Variants in ALDH2 observed in about 807,000 individuals in gnomAD.
ALDH2 encodes the protein aldehyde dehydrogenase 2 family member.
A neutral mutation model predicts 59.6 loss-of-function variants in ALDH2; 44 were observed. The ratio of observed to expected loss-of-function variants is 0.74; its 90% confidence interval spans 0.58 to 0.95. ALDH2 has a LOEUF of 0.95. Ranked by LOEUF, ALDH2 falls within the 40% of genes least tolerant of loss-of-function variation. The pLI is 0.00. For missense variants in ALDH2, 570 were observed against 696.3 expected (o/e 0.82, Z 2.04); for synonymous variants, 291 against 284.0 (o/e 1.02, Z -0.25).
chr12:111,793,611 T>C (rs981394593), intron 9 of ALDH2, among the ~76,000 whole-genome samples: 3 of 152,090 alleles, frequency 2.0e-5, no homozygotes, highest in Non-Finnish European at 2.9e-5. Flanking sequence ...TTTATTTTTT[T>C]TGGAGACAGA....
At chr12:111,790,225 A>G (rs2068346811) in intron 5 of ALDH2, among the ~76,000 whole-genome samples, 1 of 152,166 alleles carries the variant, frequency 6.6e-6, no homozygotes, top group Non-Finnish European at 1.5e-5. Flanking sequence ...TCACGGACAT[A>G]AAAGCACGGA....
chr12:111,772,284 C>T (rs1264847082), intron 1 of ALDH2, among the ~76,000 whole-genome samples: 1 of 152,114 alleles, frequency 6.6e-6, no homozygotes, highest in African/African-American at 2.4e-5. Flanking sequence ...TGAGCCAAAA[C>T]CTGTGTTTTG....
At chr12:111,767,146 G>T (rs1464616573) in intron 1 of ALDH2, 50 bp downstream of exon 1, 1 of 1,395,776 alleles carries the variant, frequency 7.2e-7, no homozygotes, top group Non-Finnish European at 9.4e-7. Context: ...CGAGTCCCCC[G>T]CAGGCCCCTA....
chr12:111,815,815 T>C lies in ALDH2; in HGVS notation c.*6240T>C, dbSNP rs986407677. ...TTTTTTTGAGAGAGAGAGAGAGAGA[T>C]GGAGTCTTGCTATGTTGCTCAGGCT... is the stretch of plus-strand genomic sequence containing the variant. On this transcript the variant is annotated 3_prime_UTR_variant, in exon 13 of 13. Transcript: ENST00000261733. 4.8e-5 allele frequency: 7 copies of C among 144,400 alleles called. No homozygotes were observed. The highest frequency in any genetic ancestry group is 1.1e-4 in the Non-Finnish European group (7 of 66,508). 8.9% of individuals were successfully genotyped at this position (144,400 alleles called of 1,614,324 possible). A position where few individuals can be genotyped will look rare whatever the true frequency, so the allele number is the denominator to read the frequency against.
intron 10 of ALDH2, 118 bp downstream of exon 10, chr12:111,798,360 T>A: frequency 8.9e-7 from 1 of 1,125,080 alleles, no homozygotes; most frequent in Non-Finnish European, 1.2e-6. Context: ...TCTCAAGTTA[T>A]ACCCAGAACC....
At chr12:111,783,873 G>T (rs559845408) in intron 3 of ALDH2, among the ~76,000 whole-genome samples, 68 of 152,260 alleles carry the variant, frequency 4.5e-4, no homozygotes, top group African/African-American at 1.6e-3. Context: ...CTGTGTCAGG[G>T]AGGCCTTCCC....
intron 1 of ALDH2, among the ~76,000 whole-genome samples, chr12:111,772,938 G>A (rs1275665281): frequency 5.2e-5 from 7 of 135,500 alleles, no homozygotes; most frequent in Admixed American, 1.5e-4. Flanking sequence ...GTGAGACTCC[G>A]TCTCAAAAAA....
At chr12:111,790,686 T>C (rs2068351274) in intron 6 of ALDH2, 124 bp downstream of exon 6, 1 of 1,317,678 alleles carries the variant, frequency 7.6e-7, no homozygotes, top group East Asian at 2.4e-5. Context: ...CCCATCACCA[T>C]GTGAACCAGA....
Position 111,792,102 on chromosome 12 carries a change from C to T in ALDH2, c.837C>T (p.Leu279=). 6.2e-7 allele frequency: 1 copy of T among 1,609,914 alleles called. No homozygotes were observed. The highest frequency in any genetic ancestry group is 8.5e-7 in the Non-Finnish European group (1 of 1,179,094). The change falls in exon 8 of 13, where the codon CTC becomes CTT. Residue 279 remains leucine (L), a synonymous_variant. Transcript: ENST00000261733. ...AGGTTGCTGCTGGGAGCAGCAACCT[C>T]AAGAGAGTGACCTTGGAGCTGGGGG... ...VIQVAAGSSN[L]KRVTLELGGK...
At chr12:111,809,186 G>A (rs1434787212) in intron 12 of ALDH2, among the ~76,000 whole-genome samples, 2 of 152,194 alleles carry the variant, frequency 1.3e-5, no homozygotes, top group East Asian at 3.9e-4. Flanking sequence ...ACGTGCCATG[G>A]CTCACGCCTG....
In ALDH2 at chr12:111,814,498, C is replaced by G. The variant is rs1161718736; in HGVS notation, c.*4923C>G. Reference sequence around the variant, plus strand: ...GAGGTTGCAGTGAGCTAAGATCGCACCACTGCACTCCAGCCTGGGTGACAG... The same window carrying G: ...GAGGTTGCAGTGAGCTAAGATCGCAGCACTGCACTCCAGCCTGGGTGACAG... On this transcript the variant is annotated 3_prime_UTR_variant, in exon 13 of 13. Coordinates refer to ENST00000261733, the MANE Select transcript of ALDH2 (RefSeq NM_000690.4). 6.7e-6 allele frequency: 1 copy of G among 149,162 alleles called. No individual in the cohort carries two copies. Among genetic ancestry groups the G allele is most frequent in the Non-Finnish European group, 1.5e-5 (1 of 67,620 alleles). 9.2% of individuals were successfully genotyped at this position (149,162 alleles called of 1,614,324 possible). A position where few individuals can be genotyped will look rare whatever the true frequency, so the allele number is the denominator to read the frequency against.
chr12:111,806,764 G>C (rs1354565677), intron 12 of ALDH2, among the ~76,000 whole-genome samples: 2 of 151,972 alleles, frequency 1.3e-5, no homozygotes, highest in Admixed American at 1.3e-4. Context: ...TTGAGGTCAG[G>C]AGTTCGAGAC....
At position 111,785,426 on chromosome 12, in the gene ALDH2, A is replaced by T. The variant is rs1221965998; in HGVS notation, c.440+80A>T. 12 of 1,328,766 alleles carry T rather than the reference A, an allele frequency of 9.0e-6. No homozygotes were observed. The East Asian group carries it at 2.8e-4, about 31-fold the overall frequency. The allele number at this position is 1,328,766 out of a possible 1,614,324, so 82.3% of individuals were successfully genotyped here. A position where few individuals can be genotyped will look rare whatever the true frequency, so the allele number is the denominator to read the frequency against. On this transcript the variant is annotated intron_variant, in intron 4 of 12. Transcript: ENST00000261733. ...GTTGTTAGGAGGTAAAAATTAAATT[A>T]CAAAAATTCAAAAGGGGCAGAGCGC...
chr12:111,770,854 C>T (rs2068193895), intron 1 of ALDH2, among the ~76,000 whole-genome samples: 1 of 152,056 alleles, frequency 6.6e-6, no homozygotes, highest in Non-Finnish European at 1.5e-5. Context: ...GCCATGTTGG[C>T]CAGGCTGGCT....
chr12:111,772,775 G>A (rs545671616), intron 1 of ALDH2, among the ~76,000 whole-genome samples: 2 of 149,444 alleles, frequency 1.3e-5, no homozygotes, highest in East Asian at 4.1e-4. Context: ...TTGGGCTGAA[G>A]CGATCCTCCT....
At chr12:111,799,488 G>C (rs890461533) in intron 10 of ALDH2, among the ~76,000 whole-genome samples, 2 of 139,090 alleles carry the variant, frequency 1.4e-5, no homozygotes, top group African/African-American at 5.4e-5. Context: ...TTTTTTTTTT[G>C]AGTAAAGACA....
intron 11 of ALDH2, among the ~76,000 whole-genome samples, chr12:111,800,280 C>A (rs999339893): frequency 3.3e-5 from 5 of 152,184 alleles, no homozygotes; most frequent in Admixed American, 3.3e-4. Flanking sequence ...TGGCAGGCAG[C>A]GGAGTGGTGG....
At chr12:111,808,247 G>C (rs2068511978) in intron 12 of ALDH2, among the ~76,000 whole-genome samples, 1 of 152,088 alleles carries the variant, frequency 6.6e-6, no homozygotes, top group Non-Finnish European at 1.5e-5. Context: ...GGTCATCTAG[G>C]GCATGGGGAA....
chr12:111,789,988 G>T (rs1246353759), intron 5 of ALDH2, 54 bp downstream of exon 5: 1 of 1,548,618 alleles, frequency 6.5e-7, no homozygotes, highest in South Asian at 1.1e-5. Context: ...TTGGCAGTCT[G>T]CCAGACTCAT....
Sources: gnomAD v4.1 joint callset for allele counts (sites outside exome capture counted in the v4.1 genomes callset) on GRCh38, gnomAD v4.1.1 for gene constraint, MANE v1.5 for transcripts, NCBI Gene and HGNC (gene_info 2026-07-23, HGNC 2026-07-21) for gene names.